NXPE2: variants seen among roughly 807,000 people sequenced by gnomAD.
NXPE2 encodes the protein NXPE family member 2.
In NXPE2, 34 loss-of-function variants were observed where a neutral mutation model predicts 34.4. The observed-to-expected ratio is 0.99, with a 90% CI of 0.75 to 1.31. The LOEUF (loss-of-function observed/expected upper bound fraction) is 1.31, where lower values mean the gene tolerates loss of function less well. NXPE2 is among the 40% of genes most tolerant of loss of function. NXPE2 has a pLI of 0.00. For missense variants in NXPE2, 649 were observed against 672.5 expected (o/e 0.97, Z 0.39); for synonymous variants, 235 against 231.3 (o/e 1.02, Z -0.15).
At chr11:114,772,334 T>C in the NXPE2 span, among the ~76,000 whole-genome samples, 1 of 152,040 alleles carries the variant, frequency 6.6e-6, no homozygotes, top group Non-Finnish European at 1.5e-5. Flanking sequence ...AGCTTCCTAG[T>C]AGCTAAAGCA....
the NXPE2 span, among the ~76,000 whole-genome samples, chr11:114,800,996 A>T: frequency 1.3e-5 from 2 of 152,220 alleles, no homozygotes; most frequent in South Asian, 4.1e-4. Context: ...ACTATTTTGT[A>T]GCTCTTGCGA....
the NXPE2 span, among the ~76,000 whole-genome samples, chr11:114,636,948 G>T: frequency 6.6e-6 from 1 of 152,122 alleles, no homozygotes; most frequent in African/African-American, 2.4e-5. Flanking sequence ...TGTTGATTTG[G>T]GGTGGAGAGT....
At chr11:114,548,754 GAA>G in the NXPE2 span, among the ~76,000 whole-genome samples, 1 of 151,660 alleles carries the variant, frequency 6.6e-6, no homozygotes, top group Non-Finnish European at 1.5e-5. Flanking sequence ...TTAGAAAAAG[GAA>G]AACAGAGTAA....
the NXPE2 span, among the ~76,000 whole-genome samples, chr11:114,767,049 G>A: frequency 3.9e-5 from 6 of 152,132 alleles, no homozygotes; most frequent in South Asian, 6.2e-4. Flanking sequence ...AGAGCAGCTG[G>A]TGATATTAAA....
At chr11:114,749,689 A>G in the NXPE2 span, among the ~76,000 whole-genome samples, 1 of 152,310 alleles carries the variant, frequency 6.6e-6, no homozygotes, top group East Asian at 1.9e-4. Context: ...AATCCCCAGT[A>G]CATGACCAAC....
At chr11:114,634,733 T>C in the NXPE2 span, among the ~76,000 whole-genome samples, 1 of 152,160 alleles carries the variant, frequency 6.6e-6, no homozygotes, top group African/African-American at 2.4e-5. Flanking sequence ...ACTTTCCCCA[T>C]TGCTTGTTTT....
chr11:114,732,743 TA>T, the NXPE2 span, among the ~76,000 whole-genome samples: 1 of 152,184 alleles, frequency 6.6e-6, no homozygotes, highest in South Asian at 2.1e-4. Context: ...ATACCTGCAT[TA>T]ATATTCCCTT....
chr11:114,657,224 C>G, the NXPE2 span, among the ~76,000 whole-genome samples: 4 of 152,296 alleles, frequency 2.6e-5, no homozygotes, highest in African/African-American at 9.6e-5. Flanking sequence ...TCTTTCCTAC[C>G]TCTATCTCTG....
At chr11:114,496,784 C>CT in the NXPE2 span, among the ~76,000 whole-genome samples, 1 of 152,096 alleles carries the variant, frequency 6.6e-6, no homozygotes, top group East Asian at 1.9e-4. Flanking sequence ...ATGGTGGTCT[C>CT]TTAAGATTAT....
chr11:114,679,694 T>C lies in NXPE2; in HGVS notation c.64T>C (p.Leu22=). 1 of 1,550,348 alleles carries C rather than the reference T, an allele frequency of 6.5e-7. No homozygotes were observed. Among genetic ancestry groups the C allele is most frequent in the African/African-American group, 1.4e-5 (1 of 73,098 alleles). ...GTTTCCAAATGCCATAGCTCGAAAA[T>C]TACTGCTGATGTTGACATTTATCTT... The part of the protein sequence containing the change: ...TLFPNAIARK[L]LLMLTFILIF... Residue 22 remains leucine (L), a synonymous_variant, in exon 2 of 6, where the codon TTA becomes CTA. Transcript: ENST00000389586.
the NXPE2 span, among the ~76,000 whole-genome samples, chr11:114,601,914 T>TATATATTATATTTATATA: frequency 2.5e-5 from 1 of 39,786 alleles, no homozygotes; most frequent in Non-Finnish European, 5.0e-5. Flanking sequence ...TATTATATAA[T>TATATATTATATTTATATA]TATATATAAT....
At chr11:114,466,405 A>G in the NXPE2 span, among the ~76,000 whole-genome samples, 2 of 152,194 alleles carry the variant, frequency 1.3e-5, no homozygotes, top group African/African-American at 4.8e-5. Context: ...TTTAGTATTA[A>G]TTTATGCTAC....
At chr11:114,633,674 C>T in the NXPE2 span, among the ~76,000 whole-genome samples, 3 of 143,850 alleles carry the variant, frequency 2.1e-5, no homozygotes, top group African/African-American at 7.6e-5. Flanking sequence ...TCCATGTGTT[C>T]TCATTGTTCA....
the NXPE2 span, among the ~76,000 whole-genome samples, chr11:114,619,077 T>C: frequency 6.6e-6 from 1 of 151,952 alleles, no homozygotes; most frequent in Non-Finnish European, 1.5e-5. Context: ...ATAATAAGTA[T>C]TGCATCATGG....
At chr11:114,469,739 C>T in the NXPE2 span, among the ~76,000 whole-genome samples, 1 of 152,066 alleles carries the variant, frequency 6.6e-6, no homozygotes, top group Admixed American at 6.5e-5. Flanking sequence ...GATTCGCCCA[C>T]CTCAATATAT....
At chr11:114,727,210 T>G in the NXPE2 span, among the ~76,000 whole-genome samples, 1 of 152,010 alleles carries the variant, frequency 6.6e-6, no homozygotes, top group Non-Finnish European at 1.5e-5. Context: ...CAACAGAAAT[T>G]TATCTGTCTC....
chr11:114,522,538 G>C, the NXPE2 span: 1 of 1,483,606 alleles, frequency 6.7e-7, no homozygotes, highest in Non-Finnish European at 9.1e-7. Flanking sequence ...TTAAATAGAA[G>C]ATAATGGTTA....
At chr11:114,568,085 G>A in the NXPE2 span, among the ~76,000 whole-genome samples, 1 of 152,052 alleles carries the variant, frequency 6.6e-6, no homozygotes, top group African/African-American at 2.4e-5. Flanking sequence ...TTCATGGATT[G>A]CCCCTAGAAA....
chr11:114,476,517 T>C, the NXPE2 span, among the ~76,000 whole-genome samples: 2 of 152,192 alleles, frequency 1.3e-5, no homozygotes, highest in Non-Finnish European at 2.9e-5. Flanking sequence ...ACTGGGTAAC[T>C]TATAAAGGAA....
Sources: allele counts gnomAD v4.1 joint callset (sites outside exome capture counted in the v4.1 genomes callset), GRCh38; gene constraint gnomAD v4.1.1; transcripts MANE v1.5; gene names NCBI Gene and HGNC (gene_info 2026-07-23, HGNC 2026-07-21).